Variants in UBLCP1 observed in about 807,000 individuals in gnomAD.
The protein encoded by UBLCP1 is ubiquitin-like domain-containing CTD phosphatase 1.
UBLCP1 carries 28 observed loss-of-function variants against 42.4 expected under a neutral mutation model. That is an observed-to-expected ratio of 0.66 (90% CI 0.49 to 0.90). The LOEUF is 0.90. UBLCP1 is among the 40% of genes least tolerant of loss of function. UBLCP1 has a pLI of 0.00. For missense variants in UBLCP1, 279 were observed against 374.5 expected, an observed-to-expected ratio of 0.75 and a Z score of 2.10; for synonymous variants, 122 against 120.8, an observed-to-expected ratio of 1.01 and a Z score of -0.07.
chr5:159,271,304 CTA>C (rs1334335964), intron 5 of UBLCP1, among the ~76,000 whole-genome samples: 1 of 151,496 alleles, frequency 6.6e-6, no homozygotes, highest in African/African-American at 2.4e-5. Context: ...CTAATAAAAA[CTA>C]AAAATACTCG....
chr5:159,284,400 C>G (rs1753645235), intron 10 of UBLCP1, among the ~76,000 whole-genome samples: 1 of 152,138 alleles, frequency 6.6e-6, no homozygotes, highest in Non-Finnish European at 1.5e-5. Context: ...CACTTGTTTG[C>G]TTAGTAATGT....
intron 9 of UBLCP1, among the ~76,000 whole-genome samples, chr5:159,280,623 G>A (rs1203856876): frequency 6.6e-6 from 1 of 152,168 alleles, no homozygotes; most frequent in African/African-American, 2.4e-5. Context: ...CTAAAATGGA[G>A]AAATATCCTC....
chr5:159,266,396 T>C (rs1041173856), intron 1 of UBLCP1, among the ~76,000 whole-genome samples: 4 of 152,224 alleles, frequency 2.6e-5, no homozygotes, highest in Admixed American at 6.5e-5. Context: ...AAGAAATTTC[T>C]AAGCAGCAAA....
intron 2 of UBLCP1, 43 bp downstream of exon 2, chr5:159,269,112 GTAT>G: frequency 7.2e-7 from 1 of 1,389,984 alleles, no homozygotes; most frequent in Non-Finnish European, 9.6e-7. Flanking sequence ...TGAATTTTTA[GTAT>G]TATGAATTTT....
At position 159,285,637 on chromosome 5, in the gene UBLCP1, A is replaced by C. The variant is rs577556676; in HGVS notation, c.*706A>C. ...TGAGAAACAGAAGACTGAAGAATAA[A>C]AACTAAGGAACAAGAATGAGTCTCT... On this transcript the variant is annotated 3_prime_UTR_variant, in exon 11 of 11. Transcript: ENST00000296786. 3 of 152,448 alleles carry C rather than the reference A, an allele frequency of 2.0e-5. No individual in the cohort carries two copies. The South Asian group carries it at 6.2e-4, about 32-fold the overall frequency. 9.4% of individuals were successfully genotyped at this position (152,448 alleles called of 1,614,324 possible). A position where few individuals can be genotyped will look rare whatever the true frequency, so the allele number is the denominator to read the frequency against.
intron 6 of UBLCP1, 54 bp from the exon 7 acceptor site, chr5:159,274,531 T>G (rs999118528): frequency 2.6e-6 from 4 of 1,515,662 alleles, no homozygotes; most frequent in African/African-American, 1.4e-5. Context: ...CAGATTTTTT[T>G]TAAAGAAATT....
chr5:159,264,280 T>G (rs1753346838), intron 1 of UBLCP1, among the ~76,000 whole-genome samples: 1 of 152,210 alleles, frequency 6.6e-6, no homozygotes, highest in Non-Finnish European at 1.5e-5. Context: ...GTTTGCCAAC[T>G]TCACTCCTCC....
chr5:159,265,936 A>G (rs1432179898), intron 1 of UBLCP1, among the ~76,000 whole-genome samples: 1 of 152,126 alleles, frequency 6.6e-6, no homozygotes, highest in African/African-American at 2.4e-5. Context: ...CACCTGCCTC[A>G]GCCTCCCAAA....
In UBLCP1 at chr5:159,274,961, A is replaced by G. The variant is rs184056921; in HGVS notation, c.586-187A>G. Reference sequence around the variant, plus strand: ...GTAAATTAGGAAGTAATCTATTTCTATTTTCCTTGGTTTACCATTTATTGA... The same window carrying G: ...GTAAATTAGGAAGTAATCTATTTCTGTTTTCCTTGGTTTACCATTTATTGA... On this transcript the variant is annotated intron_variant, in intron 7 of 10. Coordinates refer to ENST00000296786, the MANE Select transcript of UBLCP1 (RefSeq NM_145049.5). Among the ~76,000 whole-genome samples the G allele has an allele frequency of 7.7e-3, 1,173 of 152,172 alleles. 15 individuals carry two copies. Among genetic ancestry groups the G allele is most frequent in the African/African-American group, 0.026 (1,082 of 41,506 alleles).
chr5:159,274,018 G>A (rs1041534918), intron 6 of UBLCP1, among the ~76,000 whole-genome samples: 1 of 152,128 alleles, frequency 6.6e-6, no homozygotes, highest in Non-Finnish European at 1.5e-5. Context: ...CTGACAATGA[G>A]CAGATACATG....
intron 9 of UBLCP1, among the ~76,000 whole-genome samples, chr5:159,278,874 A>G (rs1009093784): frequency 1.3e-5 from 2 of 152,026 alleles, no homozygotes; most frequent in African/African-American, 2.4e-5. Flanking sequence ...GCCCGGCCCA[A>G]GTGTTTTATT....
chr5:159,279,971 C>G (rs1368437), intron 9 of UBLCP1, among the ~76,000 whole-genome samples: 15,769 of 151,868 alleles, frequency 0.1, 853 homozygotes, highest in Middle Eastern at 0.17. Context: ...CTTTGTTTTC[C>G]TAACCAACAT....
At chr5:159,268,685 A>C (rs1465344351) in intron 1 of UBLCP1, among the ~76,000 whole-genome samples, 185 bp from the exon 2 acceptor site, 1 of 152,170 alleles carries the variant, frequency 6.6e-6, no homozygotes, top group Non-Finnish European at 1.5e-5. Context: ...AAAAATTAGG[A>C]GTGTGGGGGA....
chr5:159,270,862 T>TAA (rs1562098886), intron 5 of UBLCP1, among the ~76,000 whole-genome samples: 6 of 149,584 alleles, frequency 4.0e-5, no homozygotes, highest in Non-Finnish European at 6.0e-5. Flanking sequence ...CTTAGTAATT[T>TAA]GATATATATC....
chr5:159,267,159 G>A (rs1396375473), intron 1 of UBLCP1, among the ~76,000 whole-genome samples: 1 of 152,208 alleles, frequency 6.6e-6, no homozygotes, highest in Non-Finnish European at 1.5e-5. Context: ...GCCCGTGAAA[G>A]CAGCTGGGAG....
At chr5:159,274,324 C>G in intron 6 of UBLCP1, 1 of 308,518 alleles carries the variant, frequency 3.2e-6, no homozygotes, top group Non-Finnish European at 6.0e-6. Flanking sequence ...TATAAATTTC[C>G]TAGGTTCAGA....
At chr5:159,282,765 A>G (rs1216501798) in intron 9 of UBLCP1, among the ~76,000 whole-genome samples, 2 of 152,150 alleles carry the variant, frequency 1.3e-5, no homozygotes, top group Non-Finnish European at 2.9e-5. Flanking sequence ...TATCTCAGCT[A>G]TATAAAAATT....
intron 10 of UBLCP1, among the ~76,000 whole-genome samples, chr5:159,284,310 A>ATTTT (rs1185979823): frequency 6.6e-6 from 1 of 152,144 alleles, no homozygotes; most frequent in African/African-American, 2.4e-5. Flanking sequence ...CACACCACCA[A>ATTTT]TTATAGTAGT....
At chr5:159,270,315 T>C (rs1305637949) in intron 3 of UBLCP1, 45 bp from the exon 4 acceptor site, 2 of 1,430,350 alleles carry the variant, frequency 1.4e-6, no homozygotes, top group Non-Finnish European at 1.9e-6. Context: ...GTATTTGTTA[T>C]ATTAAGGATA....
Sources: allele counts gnomAD v4.1 joint callset (sites outside exome capture counted in the v4.1 genomes callset), GRCh38; gene constraint gnomAD v4.1.1; transcripts MANE v1.5; gene names NCBI Gene and HGNC (gene_info 2026-07-23, HGNC 2026-07-21).